The following DPP6 variants were observed in gnomAD, a reference collection of about 807,000 sequenced individuals.
DPP6 encodes dipeptidyl peptidase like 6, also known as A-type potassium channel modulatory protein DPP6.
Under a neutral mutation model 122.6 loss-of-function variants are expected in DPP6, and 69 were observed. The observed-to-expected ratio is 0.56, with a 90% CI of 0.46 to 0.69. DPP6 has a LOEUF of 0.69. Ranked by LOEUF, DPP6 falls within the 30% of genes least tolerant of loss-of-function variation. The pLI is 0.00. For missense variants in DPP6, 928 were observed against 1,116.9 expected (o/e 0.83, Z 2.41); for synonymous variants, 418 against 433.1 (o/e 0.97, Z 0.43).
chr7:154,326,325 C>T (rs958410957), intron 1 of DPP6, among the ~76,000 whole-genome samples: 10 of 152,056 alleles, frequency 6.6e-5, no homozygotes, highest in Non-Finnish European at 1.0e-4. Context: ...GATATGGCCA[C>T]GTCTTGGTGG....
At chr7:154,644,107 A>G (rs10279277) in intron 6 of DPP6, among the ~76,000 whole-genome samples, 22,310 of 152,154 alleles carry the variant, frequency 0.15, 1,905 homozygotes, top group African/African-American at 0.24. Context: ...AAAACCCAGT[A>G]GTATTGGTCT....
intron 1 of DPP6, among the ~76,000 whole-genome samples, chr7:154,023,359 C>CACACACACACACACACACACTT (rs1316040828): frequency 6.6e-6 from 1 of 151,362 alleles, no homozygotes; most frequent in African/African-American, 2.4e-5. Flanking sequence ...CACACACACA[C>CACACACACACACACACACACTT]ACTTCTTAAG....
intron 1 of DPP6, among the ~76,000 whole-genome samples, chr7:154,279,922 AAAG>A (rs1804394371): frequency 6.6e-6 from 1 of 152,354 alleles, no homozygotes; most frequent in African/African-American, 2.4e-5. Context: ...CCATTGAGAT[AAAG>A]AAGGATATTA....
In DPP6 at chr7:154,241,774, C is replaced by T. The variant is rs1394503918; in HGVS notation, c.243+188711C>T. 6.6e-6 allele frequency among the ~76,000 whole-genome samples: 1 copy of T among 152,138 alleles called. No individual in the cohort carries two copies. The highest frequency in any genetic ancestry group is 1.5e-5 in the Non-Finnish European group (1 of 68,028). On this transcript the variant is annotated intron_variant, in intron 1 of 25. Coordinates refer to ENST00000377770, the MANE Select transcript of DPP6 (RefSeq NM_130797.4). The surrounding 1 kb of genome is among the most constrained non-coding windows in gnomAD (Gnocchi z 9.0). ...TATGTTTTAAGTTTAAAAAGATTGT[C>T]TGCCGACCGAAAAAGTTTATGTCAA...
chr7:153,940,066 T>C lies in DPP6; in HGVS notation c.51+52332T>C, dbSNP rs943902015. Among the ~76,000 whole-genome samples, 4 of 152,214 alleles carry C rather than the reference T, an allele frequency of 2.6e-5. No homozygotes were observed. The East Asian group carries it at 7.7e-4, about 29-fold the overall frequency. Reference sequence around the variant, plus strand: ...CTCCTTCTCACAAGTAAAATCATGCTAACAATGCACTGTGGCCCTCTAGCT... The same window carrying C: ...CTCCTTCTCACAAGTAAAATCATGCCAACAATGCACTGTGGCCCTCTAGCT... On this transcript the variant is annotated intron_variant, in intron 1 of 25. Coordinates refer to the DPP6 transcript ENST00000404039.
chr7:153,903,298 G>A (rs1055674883), intron 1 of DPP6, among the ~76,000 whole-genome samples: 1 of 152,212 alleles, frequency 6.6e-6, no homozygotes, highest in African/African-American at 2.4e-5. Flanking sequence ...AGTGGCCACA[G>A]GGGTGATCAG....
chr7:154,438,469 CAAAAAAAAA>C (rs58978160), intron 1 of DPP6, among the ~76,000 whole-genome samples: 1,456 of 37,422 alleles, frequency 0.039, 11 homozygotes, highest in South Asian at 0.073. Context: ...GACTCCAACT[CAAAAAAAAA>C]AAAAAAAAAA....
In DPP6 at chr7:153,893,091, G is replaced by A. The variant is rs772002989; in HGVS notation, c.51+5357G>A. On this transcript the variant is annotated intron_variant, in intron 1 of 25. Transcript: ENST00000404039. ...CAGAAAGAAGATCCCAAAGCCAGAG[G>A]TGATCAGCACAGGATGTTTTATAAA... 3.0e-4 allele frequency among the ~76,000 whole-genome samples: 46 copies of A among 152,190 alleles called. 1 individual carries two copies. Among genetic ancestry groups the A allele is most frequent in the Non-Finnish European group, 4.7e-4 (32 of 68,028 alleles).
chr7:154,796,648 C>G (rs1798066007), intron 12 of DPP6, among the ~76,000 whole-genome samples: 1 of 152,172 alleles, frequency 6.6e-6, no homozygotes, highest in Non-Finnish European at 1.5e-5. Flanking sequence ...TCAAGCCAGA[C>G]TTCAGTCTCA....
At chr7:154,838,972 A>G (rs1328680162) in intron 16 of DPP6, 2 of 152,226 alleles carry the variant, frequency 1.3e-5, no homozygotes, top group East Asian at 3.8e-4. Flanking sequence ...TCTTTCTTGA[A>G]GGGTCTTCCA....
At chr7:154,409,406 TC>T (rs1816404062) in intron 1 of DPP6, among the ~76,000 whole-genome samples, 1 of 152,186 alleles carries the variant, frequency 6.6e-6, no homozygotes, top group Non-Finnish European at 1.5e-5. Flanking sequence ...GGACTTCTAG[TC>T]CCTAGAACTG....
chr7:153,962,409 A>G (rs1367516650), intron 1 of DPP6, among the ~76,000 whole-genome samples: 5 of 152,022 alleles, frequency 3.3e-5, no homozygotes, highest in African/African-American at 1.2e-4. Context: ...AAAGTTTTCA[A>G]GTTCTCGTCT....
At chr7:153,929,238 G>A (rs147980517) in intron 1 of DPP6, among the ~76,000 whole-genome samples, 16 of 152,246 alleles carry the variant, frequency 1.1e-4, no homozygotes, top group Non-Finnish European at 2.2e-4. Context: ...TGCACACTAG[G>A]GAGGTGGTGA....
intron 1 of DPP6, among the ~76,000 whole-genome samples, chr7:154,228,626 G>A (rs1355639372): frequency 2.6e-5 from 4 of 152,016 alleles, no homozygotes; most frequent in African/African-American, 9.7e-5. Flanking sequence ...TACAATTGCA[G>A]GGACAGAAGG....
At chr7:154,741,291 G>A (rs78382245) in intron 8 of DPP6, among the ~76,000 whole-genome samples, 1,744 of 152,330 alleles carry the variant, frequency 0.011, 33 homozygotes, top group African/African-American at 0.04. Context: ...TGGGCACCCT[G>A]AGTCAAGTCC....
chr7:154,133,935 T>G (rs1477690707), intron 1 of DPP6, among the ~76,000 whole-genome samples: 4 of 151,494 alleles, frequency 2.6e-5, no homozygotes, highest in Admixed American at 6.6e-5. Flanking sequence ...GGTCCACACC[T>G]CTGCTCAGCA....
At chr7:154,561,266 G>A (rs1251342945) in intron 4 of DPP6, among the ~76,000 whole-genome samples, 3 of 152,232 alleles carry the variant, frequency 2.0e-5, no homozygotes, top group Non-Finnish European at 4.4e-5. Flanking sequence ...ATTGACATGT[G>A]TGCATCACAT....
the DPP6 span, among the ~76,000 whole-genome samples, chr7:153,843,972 A>G: frequency 6.7e-6 from 1 of 150,258 alleles, no homozygotes; most frequent in Non-Finnish European, 1.5e-5. Context: ...TCTTATCCAT[A>G]TGGACAGGTG....
intron 1 of DPP6, among the ~76,000 whole-genome samples, chr7:154,031,703 C>G (rs58921805): frequency 1.3e-5 from 2 of 151,368 alleles, no homozygotes; most frequent in Non-Finnish European, 2.9e-5. Flanking sequence ...CCTAAAGGAA[C>G]GAGCTTTAGA....
Sources: allele counts gnomAD v4.1 joint callset (sites outside exome capture counted in the v4.1 genomes callset), GRCh38; gene constraint gnomAD v4.1.1; non-coding constraint Gnocchi (gnomAD v3.1); transcripts MANE v1.5; gene names NCBI Gene and HGNC (gene_info 2026-07-23, HGNC 2026-07-21).